The following SLC25A26 variants were observed in gnomAD, a reference collection of about 807,000 sequenced individuals.
SLC25A26 encodes the protein solute carrier family 25 member 26, also known as mitochondrial S-adenosylmethionine carrier protein.
SLC25A26 carries 36 observed loss-of-function variants against 37.8 expected under a neutral mutation model. The ratio of observed to expected loss-of-function variants is 0.95; its 90% CI spans 0.73 to 1.26. The LOEUF (loss-of-function observed/expected upper bound fraction) is 1.26, where lower values mean the gene tolerates loss of function less well. SLC25A26 is among the 50% of genes most tolerant of loss of function. The pLI, the probability that SLC25A26 is intolerant of heterozygous loss-of-function variation, is 0.00. For synonymous variants in SLC25A26, 129 were observed against 122.5 expected, an observed-to-expected ratio of 1.05 and a Z score of -0.35; for missense variants, 390 against 331.1, an observed-to-expected ratio of 1.18 and a Z score of -1.38.
chr3:66,143,022 C>A (rs1338092466), intron 1 of SLC25A26, among the ~76,000 whole-genome samples: 1 of 152,174 alleles, frequency 6.6e-6, no homozygotes, highest in African/African-American at 2.4e-5. Flanking sequence ...CTGCCTCAGC[C>A]TCCCAAAGTG....
At chr3:66,256,509 A>G (rs1292827822) in intron 3 of SLC25A26, among the ~76,000 whole-genome samples, 1 of 152,246 alleles carries the variant, frequency 6.6e-6, no homozygotes, top group Non-Finnish European at 1.5e-5. Flanking sequence ...AAATATAGGT[A>G]GGTAGAAAAG....
chr3:66,225,014 C>T (rs1051007984), intron 1 of SLC25A26, among the ~76,000 whole-genome samples: 1 of 152,164 alleles, frequency 6.6e-6, no homozygotes, highest in Non-Finnish European at 1.5e-5. Context: ...CCCCTCCTGG[C>T]TGTTTTCATG....
chr3:66,322,773 C>A (rs975362374), intron 5 of SLC25A26, among the ~76,000 whole-genome samples: 3 of 152,136 alleles, frequency 2.0e-5, no homozygotes, highest in Non-Finnish European at 2.9e-5. Context: ...TTATCAGTTG[C>A]TAGATGGACT....
chr3:66,202,182 T>C (rs1332201312), intron 1 of SLC25A26, among the ~76,000 whole-genome samples: 4 of 151,988 alleles, frequency 2.6e-5, no homozygotes, highest in Admixed American at 2.0e-4. Flanking sequence ...TGTGCAGCTA[T>C]AAAAAAGAAT....
chr3:66,370,229 C>T (rs1370757914), intron 8 of SLC25A26, among the ~76,000 whole-genome samples: 1 of 152,252 alleles, frequency 6.6e-6, no homozygotes, highest in African/African-American at 2.4e-5. Flanking sequence ...TCCCCGCCCT[C>T]CTCACATTGC....
intron 5 of SLC25A26, among the ~76,000 whole-genome samples, chr3:66,314,290 T>G (rs2075468212): frequency 6.6e-6 from 1 of 152,180 alleles, no homozygotes; most frequent in African/African-American, 2.4e-5. Context: ...TGAGGTATGA[T>G]CCATCAATAC....
intron 1 of SLC25A26, among the ~76,000 whole-genome samples, chr3:66,152,683 T>C (rs762476982): frequency 6.6e-6 from 1 of 151,692 alleles, no homozygotes; most frequent in Non-Finnish European, 1.5e-5. Context: ...TTAGGTTATA[T>C]CTGGGGTAGG....
intron 1 of SLC25A26, among the ~76,000 whole-genome samples, chr3:66,175,124 T>TATATATATAC (rs2070561758): frequency 1.1e-5 from 1 of 91,230 alleles, no homozygotes; most frequent in African/African-American, 4.5e-5. Flanking sequence ...TATATATATA[T>TATATATATAC]ATATATATAT....
chr3:66,165,859 A>C (rs1373385747), intron 1 of SLC25A26, among the ~76,000 whole-genome samples: 1 of 152,088 alleles, frequency 6.6e-6, no homozygotes, highest in Non-Finnish European at 1.5e-5. Flanking sequence ...ATTAGGAAAC[A>C]CAACATGCAA....
At chr3:66,355,532 T>A (rs2076555064) in intron 6 of SLC25A26, among the ~76,000 whole-genome samples, 1 of 152,190 alleles carries the variant, frequency 6.6e-6, no homozygotes, top group Admixed American at 6.5e-5. Flanking sequence ...CACTAGCTCG[T>A]ATTGCAAGAG....
At chr3:66,268,502 ATTTAC>A (rs2073841185) in intron 5 of SLC25A26, among the ~76,000 whole-genome samples, 1 of 152,308 alleles carries the variant, frequency 6.6e-6, no homozygotes, top group East Asian at 1.9e-4. Context: ...GAACAGTTTT[ATTTAC>A]TTTCCTGTGA....
intron 7 of SLC25A26, among the ~76,000 whole-genome samples, chr3:66,365,313 C>G (rs780256347): frequency 6.6e-6 from 1 of 152,180 alleles, no homozygotes; most frequent in African/African-American, 2.4e-5. Flanking sequence ...CCTTGGCACT[C>G]TTTCTTGTTC....
At chr3:66,285,626 A>G (rs911271281) in intron 5 of SLC25A26, among the ~76,000 whole-genome samples, 2 of 139,204 alleles carry the variant, frequency 1.4e-5, no homozygotes, top group African/African-American at 2.8e-5. Context: ...CTCCTGGCTA[A>G]TTTTTGTATT....
At chr3:66,294,033 T>C (rs902955243) in intron 5 of SLC25A26, among the ~76,000 whole-genome samples, 1 of 152,088 alleles carries the variant, frequency 6.6e-6, no homozygotes, top group African/African-American at 2.4e-5. Flanking sequence ...AATTTTAAAA[T>C]AGTTTTTTTC....
At chr3:66,338,150 G>T (rs187619797) in intron 5 of SLC25A26, among the ~76,000 whole-genome samples, 1 of 151,716 alleles carries the variant, frequency 6.6e-6, no homozygotes, top group Non-Finnish European at 1.5e-5. Flanking sequence ...CCTGTGTAAG[G>T]GTTGTCCATG....
intron 1 of SLC25A26, among the ~76,000 whole-genome samples, chr3:66,181,030 C>G (rs574203749): frequency 2.6e-5 from 4 of 152,276 alleles, no homozygotes; most frequent in Admixed American, 6.5e-5. Context: ...AGGAAGAGAG[C>G]CTTCACCAGA....
chr3:66,188,678 T>C (rs2070877565), intron 1 of SLC25A26, among the ~76,000 whole-genome samples: 1 of 152,098 alleles, frequency 6.6e-6, no homozygotes, highest in South Asian at 2.1e-4. Flanking sequence ...TTAAACCCCT[T>C]TTCTTTATAA....
chr3:66,205,967 G>A (rs895872685), intron 1 of SLC25A26, among the ~76,000 whole-genome samples: 6 of 152,182 alleles, frequency 3.9e-5, no homozygotes, highest in East Asian at 1.9e-4. Context: ...TAAAGTATGC[G>A]TAATAGAGCA....
At chr3:66,173,392 C>T (rs934223973) in intron 1 of SLC25A26, among the ~76,000 whole-genome samples, 4 of 152,116 alleles carry the variant, frequency 2.6e-5, no homozygotes, top group African/African-American at 9.7e-5. Context: ...CCAGCAGAGG[C>T]CTCACATAAG....
Sources: gnomAD v4.1 joint callset for allele counts (sites outside exome capture counted in the v4.1 genomes callset) on GRCh38, gnomAD v4.1.1 for gene constraint, MANE v1.5 for transcripts, NCBI Gene and HGNC (gene_info 2026-07-23, HGNC 2026-07-21) for gene names.